C12orf56: variants seen among roughly 807,000 people sequenced by gnomAD.
C12orf56 encodes the protein chromosome 12 open reading frame 56.
In C12orf56, 71 loss-of-function variants were observed where a neutral mutation model predicts 69.9. That is an observed-to-expected ratio of 1.02 (90% CI 0.84 to 1.24). The LOEUF is 1.24. C12orf56 is among the 50% of genes most tolerant of loss of function. C12orf56 has a pLI of 0.00. For missense variants in C12orf56, 732 were observed against 738.5 expected (o/e 0.99, Z 0.10); for synonymous variants, 276 against 274.1 (o/e 1.01, Z -0.07).
At chr12:64,364,283 C>T (rs1275860471) in intron 1 of C12orf56, among the ~76,000 whole-genome samples, 1 of 151,358 alleles carries the variant, frequency 6.6e-6, no homozygotes, top group Non-Finnish European at 1.5e-5. Context: ...GACCCTGCCT[C>T]AAAAAACAAA....
At chr12:64,317,043 G>T (rs557708931) in intron 4 of C12orf56, among the ~76,000 whole-genome samples, 3 of 152,000 alleles carry the variant, frequency 2.0e-5, no homozygotes, top group Non-Finnish European at 4.4e-5. Flanking sequence ...GTAAGTTTTG[G>T]CTTTTCTATT....
At chr12:64,328,691 AAAAAAAAAAAAAAAAATATAT>A (rs2038877635) in intron 3 of C12orf56, among the ~76,000 whole-genome samples, 1 of 18,818 alleles carries the variant, frequency 5.3e-5, no homozygotes, top group African/African-American at 1.6e-4. Flanking sequence ...AAAAAAAAAA[AAAAAAAAAAAAAAAAATATAT>A]ATATATATAT....
At chr12:64,360,184 G>A (rs2039380601) in intron 1 of C12orf56, among the ~76,000 whole-genome samples, 1 of 151,508 alleles carries the variant, frequency 6.6e-6, no homozygotes, top group Admixed American at 6.6e-5. Flanking sequence ...CCAGCACTTT[G>A]GGAGGCTGAG....
At chr12:64,353,884 TGG>T (rs2039267899) in intron 1 of C12orf56, among the ~76,000 whole-genome samples, 2 of 152,126 alleles carry the variant, frequency 1.3e-5, no homozygotes, top group African/African-American at 4.8e-5. Flanking sequence ...TTTCACCATG[TGG>T]GACAGGCTGG....
chr12:64,308,927 AGAAAGAAAGAAAGAAGAAAG>A (rs763385481), intron 5 of C12orf56, among the ~76,000 whole-genome samples: 4,686 of 68,584 alleles, frequency 0.068, 153 homozygotes, highest in South Asian at 0.095. Context: ...AAAGAAAGAA[AGAAAGAAAGAAAGAAGAAAG>A]AAAGAAAGAA....
intron 1 of C12orf56, among the ~76,000 whole-genome samples, chr12:64,382,478 A>G (rs2135986377): frequency 6.6e-6 from 1 of 152,260 alleles, no homozygotes; most frequent in South Asian, 2.1e-4. Flanking sequence ...ATAATAACTA[A>G]TGCATATATA....
Position 64,284,717 on chromosome 12 carries a change from C to T in C12orf56, c.1257G>A (p.Met419Ile), listed in dbSNP as rs1241041147. The change falls in exon 8 of 13, where the codon ATG becomes ATA. Residue 419 changes from methionine to isoleucine, a missense_variant. By Grantham distance (10) the Met-to-Ile change is conservative (BLOSUM62 1). Coordinates refer to ENST00000543942, the MANE Select transcript of C12orf56 (RefSeq NM_001170633.2). ...CIEIIQTLVL[M>I]FRETETESSR... ...ATGACTCGGTTTCTGTTTCTCTGAA[C>T]ATCAATACTAGGGTCTGTATAATTT... is the stretch of plus-strand genomic sequence containing the variant. 1 of 1,611,286 alleles carries T rather than the reference C, an allele frequency of 6.2e-7. No individual in the cohort carries two copies. Among genetic ancestry groups the T allele is most frequent in the Non-Finnish European group, 8.5e-7 (1 of 1,179,010 alleles).
chr12:64,334,900 C>G (rs1465518255), intron 2 of C12orf56, among the ~76,000 whole-genome samples: 1 of 152,112 alleles, frequency 6.6e-6, no homozygotes, highest in Non-Finnish European at 1.5e-5. Flanking sequence ...TATTTGAAAA[C>G]ACTAGTTACC....
chr12:64,282,452 C>T (rs1398285501), intron 8 of C12orf56, among the ~76,000 whole-genome samples: 1 of 152,084 alleles, frequency 6.6e-6, no homozygotes, highest in East Asian at 1.9e-4. Flanking sequence ...TGACCTTTTA[C>T]AGAAATGTTT....
chr12:64,379,594 A>T (rs1429547025), intron 1 of C12orf56, among the ~76,000 whole-genome samples: 1 of 151,510 alleles, frequency 6.6e-6, no homozygotes, highest in Non-Finnish European at 1.5e-5. Context: ...CCTGAATGCA[A>T]TTTTCATACT....
At chr12:64,325,009 C>T (rs2038819959) in intron 3 of C12orf56, among the ~76,000 whole-genome samples, 1 of 152,140 alleles carries the variant, frequency 6.6e-6, no homozygotes, top group Non-Finnish European at 1.5e-5. Context: ...GACAACTGAA[C>T]ACTGTCCCTA....
At chr12:64,306,445 T>A (rs2038513593) in intron 5 of C12orf56, among the ~76,000 whole-genome samples, 1 of 147,366 alleles carries the variant, frequency 6.8e-6, no homozygotes, top group South Asian at 2.1e-4. Flanking sequence ...TTAGACAGAG[T>A]CTTCTTCTGT....
intron 4 of C12orf56, 109 bp from the exon 5 acceptor site, chr12:64,312,861 A>C: frequency 1.4e-6 from 1 of 719,722 alleles, no homozygotes; most frequent in Admixed American, 2.9e-5. Context: ...CCTATAGTAC[A>C]CGATTTGTTT....
At chr12:64,331,121 CTG>C in intron 2 of C12orf56, 89 bp from the exon 3 acceptor site, 1 of 1,134,268 alleles carries the variant, frequency 8.8e-7, no homozygotes. Flanking sequence ...GATTAAATGA[CTG>C]TTCATAAATC....
At chr12:64,338,761 C>G (rs1356544857) in intron 2 of C12orf56, 1 of 1,432,392 alleles carries the variant, frequency 7.0e-7, no homozygotes, top group Non-Finnish European at 9.8e-7. Context: ...TATGCTTTAT[C>G]TGCTTTTGCA....
At chr12:64,278,808 T>G (rs924264834) in intron 8 of C12orf56, among the ~76,000 whole-genome samples, 2 of 152,188 alleles carry the variant, frequency 1.3e-5, no homozygotes, top group African/African-American at 2.4e-5. Context: ...TTTATGAGTT[T>G]GGCTTTTTTA....
intron 6 of C12orf56, among the ~76,000 whole-genome samples, chr12:64,299,092 C>G (rs2038408886): frequency 6.6e-6 from 1 of 152,142 alleles, no homozygotes; most frequent in African/African-American, 2.4e-5. Context: ...TTGAAGAGGT[C>G]CTTCACATTC....
chr12:64,390,003 TG>T (rs1484579677), intron 1 of C12orf56, among the ~76,000 whole-genome samples: 2 of 152,262 alleles, frequency 1.3e-5, no homozygotes, highest in East Asian at 3.9e-4. Flanking sequence ...CTAGGTGCTT[TG>T]TTAACAAAGG....
chr12:64,277,579 T>G, intron 9 of C12orf56, 101 bp downstream of exon 9: 1 of 774,256 alleles, frequency 1.3e-6, no homozygotes. Flanking sequence ...TTGGTTTAAT[T>G]ATGTTTCTCT....
Sources: allele counts gnomAD v4.1 joint callset (sites outside exome capture counted in the v4.1 genomes callset), GRCh38; gene constraint gnomAD v4.1.1; transcripts MANE v1.5; gene names NCBI Gene and HGNC (gene_info 2026-07-23, HGNC 2026-07-21).